Variants in CASK observed in about 807,000 individuals in gnomAD.
CASK encodes the protein calcium/calmodulin dependent serine protein kinase.
In CASK, 4 loss-of-function variants were observed where a neutral mutation model predicts 82.9. The observed-to-expected ratio is 0.05, with a 90% CI of 0.02 to 0.11. The LOEUF (loss-of-function observed/expected upper bound fraction) is 0.11. Among genes scored for constraint, CASK ranks in the 10% least tolerant of loss-of-function variants. The probability of loss-of-function intolerance (pLI) is 1.00; values close to 1 mark genes in which losing one functional copy is unlikely to be tolerated. For synonymous variants in CASK, 259 were observed against 253.5 expected, an observed-to-expected ratio of 1.02 and a Z score of -0.20; for missense variants, 358 against 720.9, an observed-to-expected ratio of 0.50 and a Z score of 5.76.
In CASK at chrX:41,910,456, G is replaced by T. The variant is rs140414985; in HGVS notation, c.59+12474C>A. ...CCTTTTTCCTAGTAACTCTTAAATT[G>T]CATTTTTCAAATCCAACTTACACAT... is the stretch of plus-strand genomic sequence containing the variant. On this transcript the variant is annotated intron_variant, in intron 1 of 26. Transcript: ENST00000378163. 3.8e-3 allele frequency among the ~76,000 whole-genome samples: 424 copies of T among 111,431 alleles called. 1 individual carries two copies. The highest frequency in any genetic ancestry group is 6.4e-3 in the Non-Finnish European group (342 of 53,050).
intron 1 of CASK, among the ~76,000 whole-genome samples, chrX:41,899,325 T>C (rs1453867409): frequency 1.8e-5 from 2 of 111,666 alleles, no homozygotes; most frequent in Non-Finnish European, 3.8e-5. Context: ...GTGAGTTTCT[T>C]GTAGGTAGCA....
intron 1 of CASK, among the ~76,000 whole-genome samples, chrX:41,870,326 C>A (rs181170899): frequency 4.5e-5 from 5 of 111,824 alleles, no homozygotes; most frequent in African/African-American, 1.6e-4. Flanking sequence ...TGATGATGTA[C>A]CTGATGAGCT....
intron 5 of CASK, among the ~76,000 whole-genome samples, chrX:41,686,517 C>T (rs977469811): frequency 5.4e-5 from 6 of 110,342 alleles, no homozygotes; most frequent in Non-Finnish European, 1.1e-4. Flanking sequence ...GAACTACAGG[C>T]GTACGCCACC....
intron 1 of CASK, among the ~76,000 whole-genome samples, chrX:41,869,365 T>C (rs969846058): frequency 1.8e-5 from 2 of 111,860 alleles, no homozygotes; most frequent in Non-Finnish European, 3.8e-5. Flanking sequence ...TATCTGGTGG[T>C]CCATGGAATT....
chrX:41,677,181 G>T (rs765567088), intron 5 of CASK, among the ~76,000 whole-genome samples: 17 of 109,498 alleles, frequency 1.6e-4, no homozygotes, highest in Non-Finnish European at 2.9e-4. Flanking sequence ...AAAGAATTTG[G>T]TCTCATACGT....
In CASK at chrX:41,625,310, C is replaced by T. The variant is rs181002044; in HGVS notation, c.1015+1294G>A. Among the ~76,000 whole-genome samples, 149 of 107,553 alleles carry T rather than the reference C, an allele frequency of 1.4e-3. 2 individuals carry two copies. Among genetic ancestry groups the T allele is most frequent in the African/African-American group, 4.9e-3 (145 of 29,512 alleles). The allele number at this position is 107,553 out of a possible 115,157, so 93.4% of individuals were successfully genotyped here. On this transcript the variant is annotated intron_variant, in intron 10 of 26. Coordinates refer to ENST00000378163, the MANE Select transcript of CASK (RefSeq NM_001367721.1). ...ACGCCAGTCTCCTGCCTCAGCCACC[C>T]GAGTAGCTGGGACTACAGGTGCCCA...
chrX:41,805,544 A>G (rs1052722902), intron 2 of CASK, among the ~76,000 whole-genome samples: 4 of 112,094 alleles, frequency 3.6e-5, no homozygotes, highest in Non-Finnish European at 5.6e-5. Context: ...TCTTAGCTTT[A>G]TATTTGTGGA....
At chrX:41,608,521 AG>A (rs928855347) in intron 12 of CASK, among the ~76,000 whole-genome samples, 2 of 112,103 alleles carry the variant, frequency 1.8e-5, no homozygotes, top group African/African-American at 6.5e-5. Flanking sequence ...CCCCAAAGCA[AG>A]TATGATTCTC....
At chrX:41,610,420 C>T (rs2066026646) in intron 11 of CASK, among the ~76,000 whole-genome samples, 1 of 111,825 alleles carries the variant, frequency 8.9e-6, no homozygotes, top group South Asian at 3.7e-4. Context: ...TACCCAGGTG[C>T]ATTCCATCAA....
rs750430234 is a variant in CASK, at chrX:41,686,237, G to A, written c.430-14707C>T. ...CCTGAGTAGCTGGGATTACAGGTGCGTGCCACCATACCCAGCTAATTTTTG... is the reference window on the plus strand; with the variant it reads ...CCTGAGTAGCTGGGATTACAGGTGCATGCCACCATACCCAGCTAATTTTTG... On this transcript the variant is annotated intron_variant, in intron 5 of 26. Transcript: ENST00000378163. 1.3e-4 allele frequency among the ~76,000 whole-genome samples: 14 copies of A among 110,437 alleles called. 1 individual carries two copies. The highest frequency in any genetic ancestry group is 2.0e-4 in the African/African-American group (6 of 30,354).
At chrX:41,920,895 A>G (rs1249923610) in intron 1 of CASK, among the ~76,000 whole-genome samples, 1 of 112,075 alleles carries the variant, frequency 8.9e-6, no homozygotes, top group Non-Finnish European at 1.9e-5. Flanking sequence ...GTTCATTTAC[A>G]TCAGCTATAA....
chrX:41,631,573 A>G (rs934975265), intron 9 of CASK, among the ~76,000 whole-genome samples: 1 of 111,241 alleles, frequency 9.0e-6, no homozygotes. Flanking sequence ...GGTTCAAGCA[A>G]TTCTCCTGCC....
intron 22 of CASK, among the ~76,000 whole-genome samples, chrX:41,535,595 C>T (rs1242800081): frequency 9.0e-6 from 1 of 110,586 alleles, no homozygotes; most frequent in Non-Finnish European, 1.9e-5. Context: ...CAGATATCCA[C>T]TCAATGGAAA....
At chrX:41,731,190 TG>T (rs905402174) in intron 5 of CASK, among the ~76,000 whole-genome samples, 4 of 112,247 alleles carry the variant, frequency 3.6e-5, no homozygotes, top group African/African-American at 1.3e-4. Flanking sequence ...GGGGCTGAAG[TG>T]GGGGGATCAC....
chrX:41,661,113 C>G (rs2067025049), intron 7 of CASK, among the ~76,000 whole-genome samples: 1 of 111,469 alleles, frequency 9.0e-6, no homozygotes, highest in Non-Finnish European at 1.9e-5. Flanking sequence ...ACTTTTGTCT[C>G]TTTTAGAGAT....
intron 10 of CASK, among the ~76,000 whole-genome samples, chrX:41,625,074 T>G (rs896061172): frequency 9.0e-6 from 1 of 111,427 alleles, no homozygotes; most frequent in African/African-American, 3.3e-5. Context: ...TACATATAAA[T>G]GGACCCTATG....
At chrX:41,578,670 G>C (rs1351895615) in intron 14 of CASK, 142 bp from the exon 15 acceptor site, 8 of 454,082 alleles carry the variant, frequency 1.8e-5, no homozygotes, top group Admixed American at 7.5e-5. Context: ...CTCACTGCAG[G>C]CTTCATCTCC....
At chrX:41,801,498 C>T (rs373643222) in intron 2 of CASK, among the ~76,000 whole-genome samples, 2 of 112,088 alleles carry the variant, frequency 1.8e-5, no homozygotes, top group South Asian at 7.4e-4. Flanking sequence ...CCCTTCTTGA[C>T]ATCTTTTTGT....
intron 3 of CASK, among the ~76,000 whole-genome samples, chrX:41,776,276 C>T (rs1195446273): frequency 6.2e-5 from 7 of 112,192 alleles, no homozygotes; most frequent in African/African-American, 2.3e-4. Context: ...AGGAATTTTT[C>T]AGCTCCATTA....
Sources: allele counts gnomAD v4.1 joint callset (sites outside exome capture counted in the v4.1 genomes callset), GRCh38; gene constraint gnomAD v4.1.1; transcripts MANE v1.5; gene names NCBI Gene and HGNC (gene_info 2026-07-23, HGNC 2026-07-21).